The following OSBPL9 variants were observed in gnomAD, a reference collection of about 807,000 sequenced individuals.
The protein encoded by OSBPL9 is oxysterol binding protein like 9.
OSBPL9 carries 40 observed loss-of-function variants against 106.6 expected under a neutral mutation model. The ratio of observed to expected loss-of-function variants is 0.38; its 90% CI spans 0.29 to 0.49. The LOEUF (loss-of-function observed/expected upper bound fraction) is 0.49, where lower values mean the gene tolerates loss of function less well. Among genes scored for constraint, OSBPL9 ranks in the 20% least tolerant of loss-of-function variants. The pLI is 0.97. For missense variants in OSBPL9, 609 were observed against 887.2 expected (o/e 0.69, Z 3.98); for synonymous variants, 269 against 295.4 (o/e 0.91, Z 0.92).
At chr1:51,696,806 T>C (rs1380906056) in intron 3 of OSBPL9, among the ~76,000 whole-genome samples, 1 of 152,224 alleles carries the variant, frequency 6.6e-6, no homozygotes, top group Non-Finnish European at 1.5e-5. Flanking sequence ...CTGTCCCGTT[T>C]TTTTTTATTT....
At position 51,789,074 on chromosome 1, in the gene OSBPL9, G is replaced by A. The variant is rs1678399638; in HGVS notation, c.*1285G>A. ...TTGCCAGCTCCTACAGTAACCCTGGGTTTATTAGTCTCAACAAAGGATAAA... is the reference window on the plus strand; with the variant it reads ...TTGCCAGCTCCTACAGTAACCCTGGATTTATTAGTCTCAACAAAGGATAAA... On this transcript the variant is annotated 3_prime_UTR_variant, in exon 24 of 24. Coordinates refer to ENST00000428468, the MANE Select transcript of OSBPL9 (RefSeq NM_024586.6). The A allele has an allele frequency of 1.4e-6, 1 of 719,420 alleles. No homozygotes were observed. Among genetic ancestry groups the A allele is most frequent in the South Asian group, 1.8e-5 (1 of 55,542 alleles). The allele number at this position is 719,420 out of a possible 1,614,324, so 44.6% of individuals were successfully genotyped here.
At chr1:51,576,989 G>A (rs1031784174), upstream of OSBPL9, among the ~76,000 whole-genome samples, 65 of 152,300 alleles carry the variant, frequency 4.3e-4, no homozygotes, top group African/African-American at 1.5e-3. Flanking sequence ...CATGGTGGGA[G>A]GTGTTTGGAT....
the OSBPL9 span, among the ~76,000 whole-genome samples, chr1:51,528,176 G>C: frequency 6.6e-6 from 1 of 151,616 alleles, no homozygotes; most frequent in Non-Finnish European, 1.5e-5. Context: ...GGAGTTTCCA[G>C]CCAGAGGAAT....
chr1:51,725,988 G>T (rs1043614624), intron 4 of OSBPL9, among the ~76,000 whole-genome samples: 2 of 152,148 alleles, frequency 1.3e-5, no homozygotes, highest in Admixed American at 6.5e-5. Context: ...GCCTGCTATT[G>T]ACTGGAAGCC....
chr1:51,600,767 T>C (rs551006266), intron 2 of OSBPL9, among the ~76,000 whole-genome samples: 1 of 152,324 alleles, frequency 6.6e-6, no homozygotes, highest in Admixed American at 6.5e-5. Flanking sequence ...CAAGTCCGAT[T>C]TGTTTTCCAC....
chr1:51,750,851 A>G (rs1669078122), intron 8 of OSBPL9, among the ~76,000 whole-genome samples: 1 of 152,190 alleles, frequency 6.6e-6, no homozygotes, highest in African/African-American at 2.4e-5. Context: ...GTGGCTAGCA[A>G]GGGGTGGGTG....
In OSBPL9 at chr1:51,617,118, C is replaced by G. The variant is rs1469611404; in HGVS notation, c.8C>G (p.Ser3Cys). The change falls in exon 1 of 24, where the codon TCC (serine) becomes TGC (cysteine). Residue 3 changes from serine (S) to cysteine (C), a missense_variant. Ser to Cys is a moderately radical substitution (Grantham distance 112). This residue lies in a region of OSBPL9 where 30 missense variants were observed against 21.8 expected (regional missense o/e 1.37). Coordinates refer to ENST00000428468, the MANE Select transcript of OSBPL9 (RefSeq NM_024586.6). ...TCATTGGCGGCTCCCAAGATGGCGT[C>G]CATCATGGAAGGGCCGCTGAGCAAA... is the stretch of plus-strand genomic sequence containing the variant. MA[S>C]IMEGPLSKWT... 2 of 1,604,186 alleles carry G rather than the reference C, an allele frequency of 1.2e-6. No homozygotes were observed. The highest frequency in any genetic ancestry group is 1.3e-5 in the African/African-American group (1 of 74,610).
rs1215017939 is a variant in OSBPL9, at chr1:51,789,170, C to G, written c.*1381C>G. ...CCCTAAGGCAGTAGTATAACTAACT[C>G]CATAAAATACAAACAAACACATTTT... On this transcript the variant is annotated 3_prime_UTR_variant, in exon 24 of 24. Coordinates refer to ENST00000428468, the MANE Select transcript of OSBPL9 (RefSeq NM_024586.6). 2.1e-6 allele frequency: 3 copies of G among 1,460,500 alleles called. No homozygotes were observed. Among genetic ancestry groups the G allele is most frequent in the Non-Finnish European group, 2.9e-6 (3 of 1,041,994 alleles). The allele number at this position is 1,460,500 out of a possible 1,614,324, so 90.5% of individuals were successfully genotyped here.
intron 17 of OSBPL9, 33 bp downstream of exon 17, chr1:51,782,676 C>T: frequency 6.3e-7 from 1 of 1,591,942 alleles, no homozygotes; most frequent in Non-Finnish European, 8.6e-7. Context: ...AACCTGTGCT[C>T]TCAAAACTAT....
In OSBPL9 at chr1:51,729,859, T is replaced by A. The variant is rs1053544157; in HGVS notation, c.319-15677T>A. ...TCCCGGGGGACGGGCTGAACCTCAG[T>A]CAGGACCGCCTGCACCGCAGTCCGG... On this transcript the variant is annotated intron_variant, in intron 4 of 23. Coordinates refer to ENST00000428468, the MANE Select transcript of OSBPL9 (RefSeq NM_024586.6). This position sits in a 1 kb window ranked among gnomAD's most constrained non-coding sequence, Gnocchi z 5.1. The A allele has an allele frequency of 1.6e-6, 2 of 1,247,268 alleles. No homozygotes were observed. Among genetic ancestry groups the A allele is most frequent in the African/African-American group, 3.1e-5 (2 of 63,572 alleles). The allele number at this position is 1,247,268 out of a possible 1,614,324, so 77.3% of individuals were successfully genotyped here. A position where few individuals can be genotyped will look rare whatever the true frequency, so the allele number is the denominator to read the frequency against.
At chr1:51,548,599 A>G in the OSBPL9 span, among the ~76,000 whole-genome samples, 1 of 152,082 alleles carries the variant, frequency 6.6e-6, no homozygotes, top group Non-Finnish European at 1.5e-5. Flanking sequence ...TATGTTGCCC[A>G]GGCTGGTCTA....
At chr1:51,519,515 TA>T in the OSBPL9 span, among the ~76,000 whole-genome samples, 3 of 151,518 alleles carry the variant, frequency 2.0e-5, no homozygotes, top group East Asian at 5.8e-4. Context: ...GGCGCGGACA[TA>T]AAATTAAAGC....
At chr1:51,786,004 A>C in intron 21 of OSBPL9, 118 bp downstream of exon 21, 1 of 892,906 alleles carries the variant, frequency 1.1e-6, no homozygotes, top group Non-Finnish European at 1.8e-6. Flanking sequence ...AGTATATTAG[A>C]GCTGGAACTT....
intron 3 of OSBPL9, among the ~76,000 whole-genome samples, chr1:51,683,792 CA>C (rs143195993): frequency 3.6e-5 from 5 of 139,338 alleles, no homozygotes; most frequent in Non-Finnish European, 3.1e-5. Context: ...GACTCTGTCT[CA>C]AAAAAAAAAG....
chr1:51,760,862 T>C, intron 10 of OSBPL9, 82 bp downstream of exon 10: 1 of 1,413,344 alleles, frequency 7.1e-7, no homozygotes. Context: ...TAGCTATTAC[T>C]GTTTATTTTT....
At chr1:51,707,021 T>A (rs1298008265) in intron 3 of OSBPL9, 1 of 169,358 alleles carries the variant, frequency 5.9e-6, no homozygotes, top group Non-Finnish European at 1.3e-5. Context: ...AAGAAGAGAT[T>A]TTTGCATGTC....
At chr1:51,535,895 T>G in the OSBPL9 span, among the ~76,000 whole-genome samples, 124 of 152,264 alleles carry the variant, frequency 8.1e-4, 1 homozygote, top group African/African-American at 3.0e-3. Flanking sequence ...CTTTTTACTT[T>G]GAAATAATCT....
At chr1:51,533,111 A>G in the OSBPL9 span, among the ~76,000 whole-genome samples, 1 of 152,130 alleles carries the variant, frequency 6.6e-6, no homozygotes, top group Non-Finnish European at 1.5e-5. Context: ...AAATCATAGT[A>G]TTAAGACCCA....
intron 1 of OSBPL9, among the ~76,000 whole-genome samples, chr1:51,635,920 T>C (rs906034675): frequency 6.6e-6 from 1 of 152,100 alleles, no homozygotes; most frequent in Non-Finnish European, 1.5e-5. Flanking sequence ...GTAAAGCCTA[T>C]CTTGAACTGA....
Sources: allele counts gnomAD v4.1 joint callset (sites outside exome capture counted in the v4.1 genomes callset), GRCh38; gene constraint gnomAD v4.1.1; regional missense constraint gnomAD v4.1.1; non-coding constraint Gnocchi (gnomAD v3.1); transcripts MANE v1.5; gene names NCBI Gene and HGNC (gene_info 2026-07-23, HGNC 2026-07-21).